Variants in ADGRL2 observed in about 807,000 individuals in gnomAD.
ADGRL2 encodes calcium-independent alpha-latrotoxin receptor 2.
A neutral mutation model predicts 157.4 loss-of-function variants in ADGRL2; 44 were observed. The ratio of observed to expected loss-of-function variants is 0.28; its 90% CI spans 0.22 to 0.36. The LOEUF (loss-of-function observed/expected upper bound fraction) is 0.36. Ranked by LOEUF, ADGRL2 falls within the 10% of genes least tolerant of loss-of-function variation. The pLI, the probability that ADGRL2 is intolerant of heterozygous loss-of-function variation, is 1.00. For missense variants in ADGRL2, 1,510 were observed against 1,768.9 expected, an observed-to-expected ratio of 0.85 and a Z score of 2.63; for synonymous variants, 585 against 624.7, an observed-to-expected ratio of 0.94 and a Z score of 0.95.
rs150474769 is a variant in ADGRL2 at position 81,367,934 on chromosome 1, G to A, written c.-302+61425G>A. 2.2e-3 allele frequency among the ~76,000 whole-genome samples: 333 copies of A among 152,202 alleles called. 1 individual carries two copies. Among genetic ancestry groups the A allele is most frequent in the South Asian group, 5.0e-3 (24 of 4,824 alleles). On this transcript the variant is annotated intron_variant, in intron 1 of 24. Transcript: ENST00000370721. ...TCTTTATCCAGTCTATCATTGATGG[G>A]CATTTGGATTTGTTCCATGACTTCG...
chr1:81,842,546 C>T (rs563892719), intron 2 of ADGRL2, among the ~76,000 whole-genome samples: 67 of 151,436 alleles, frequency 4.4e-4, no homozygotes, highest in African/African-American at 1.4e-3. Flanking sequence ...TTAGTAGAGA[C>T]GGGGTTTCAC....
intron 2 of ADGRL2, among the ~76,000 whole-genome samples, chr1:81,453,696 G>A (rs1208634115): frequency 2.0e-5 from 3 of 152,112 alleles, no homozygotes; most frequent in Non-Finnish European, 2.9e-5. Flanking sequence ...TAGCAGGCTT[G>A]CCGATTTTTG....
intron 3 of ADGRL2, among the ~76,000 whole-genome samples, chr1:81,910,657 C>T (rs12734022): frequency 0.17 from 25,438 of 149,074 alleles, 2,575 homozygotes; most frequent in Middle Eastern, 0.31. Flanking sequence ...TGTGGTACTC[C>T]GGGCATCTTT....
chr1:81,816,396 T>G (rs1171741063), intron 1 of ADGRL2, among the ~76,000 whole-genome samples: 1 of 151,866 alleles, frequency 6.6e-6, no homozygotes. Flanking sequence ...TGTATATTGC[T>G]TTAATACTTT....
At chr1:81,973,384 T>C (rs1659308262) in intron 17 of ADGRL2, among the ~76,000 whole-genome samples, 2 of 152,184 alleles carry the variant, frequency 1.3e-5, no homozygotes, top group Non-Finnish European at 2.9e-5. Context: ...GCATGATCCT[T>C]GAAGACATAA....
intron 2 of ADGRL2, among the ~76,000 whole-genome samples, chr1:81,889,741 AAGTC>A (rs918863066): frequency 6.6e-6 from 1 of 152,184 alleles, no homozygotes; most frequent in Non-Finnish European, 1.5e-5. Flanking sequence ...AGCTGAAGAG[AAGTC>A]AGTGTCTGGC....
At chr1:81,938,188 C>A (rs569992006) in intron 4 of ADGRL2, among the ~76,000 whole-genome samples, 18 of 151,790 alleles carry the variant, frequency 1.2e-4, no homozygotes, top group Non-Finnish European at 2.1e-4. Flanking sequence ...TCTCCTGTGC[C>A]ACTAGAGGAA....
intron 2 of ADGRL2, among the ~76,000 whole-genome samples, chr1:81,857,368 A>G (rs1391621313): frequency 1.3e-5 from 2 of 152,214 alleles, no homozygotes; most frequent in African/African-American, 4.8e-5. Flanking sequence ...TAAAAAGGAA[A>G]TGACTTTAAA....
intron 3 of ADGRL2, among the ~76,000 whole-genome samples, chr1:81,929,238 A>C (rs1233490333): frequency 1.3e-5 from 2 of 152,158 alleles, no homozygotes; most frequent in Non-Finnish European, 1.5e-5. Context: ...TTCAAGAAGA[A>C]GCTTCAATTG....
intron 3 of ADGRL2, among the ~76,000 whole-genome samples, chr1:81,598,881 A>G (rs755928163): frequency 1.1e-4 from 17 of 152,244 alleles, no homozygotes; most frequent in Non-Finnish European, 2.5e-4. Context: ...TGTTGACAGA[A>G]TGAATGGCTA....
chr1:81,927,134 G>A (rs1480911057), intron 3 of ADGRL2, among the ~76,000 whole-genome samples: 2 of 151,844 alleles, frequency 1.3e-5, no homozygotes, highest in Non-Finnish European at 2.9e-5. Flanking sequence ...ATGGGAAGAT[G>A]TTATTCTGTT....
chr1:81,891,411 A>C (rs2094260968), intron 2 of ADGRL2, among the ~76,000 whole-genome samples: 1 of 152,066 alleles, frequency 6.6e-6, no homozygotes, highest in South Asian at 2.1e-4. Flanking sequence ...GGATTTGGTA[A>C]AGCTCTTCTC....
At chr1:81,475,935 G>A (rs58964185) in intron 2 of ADGRL2, among the ~76,000 whole-genome samples, 1,903 of 152,254 alleles carry the variant, frequency 0.012, 63 homozygotes, top group East Asian at 0.12. Flanking sequence ...GGGCATAAGT[G>A]CCTTGTATTT....
intron 3 of ADGRL2, among the ~76,000 whole-genome samples, chr1:81,649,973 G>A (rs911351875): frequency 1.3e-5 from 2 of 151,050 alleles, no homozygotes; most frequent in Admixed American, 1.3e-4. Context: ...GCTAAGGTGA[G>A]AATTAAATGT....
At chr1:81,689,127 A>C (rs2083283959) in intron 3 of ADGRL2, among the ~76,000 whole-genome samples, 1 of 152,320 alleles carries the variant, frequency 6.6e-6, no homozygotes. Flanking sequence ...TAACAAAGAC[A>C]CAGTAGTTTA....
intron 2 of ADGRL2, among the ~76,000 whole-genome samples, chr1:81,516,376 T>C (rs2079178441): frequency 6.6e-6 from 1 of 152,180 alleles, no homozygotes; most frequent in African/African-American, 2.4e-5. Flanking sequence ...TGCTGAAAAG[T>C]ACAAAGTGAC....
chr1:81,888,627 A>G (rs1478800501), intron 2 of ADGRL2, among the ~76,000 whole-genome samples: 1 of 152,006 alleles, frequency 6.6e-6, no homozygotes. Flanking sequence ...TATTTTTAGT[A>G]GAGACGGGGT....
At chr1:81,423,316 A>G (rs1338452738) in intron 1 of ADGRL2, among the ~76,000 whole-genome samples, 1 of 152,234 alleles carries the variant, frequency 6.6e-6, no homozygotes, top group African/African-American at 2.4e-5. Context: ...ATAGCCAAAT[A>G]TCATTTAGGG....
chr1:81,732,261 T>C (rs1461147156), intron 1 of ADGRL2, among the ~76,000 whole-genome samples: 2 of 152,206 alleles, frequency 1.3e-5, no homozygotes, highest in Non-Finnish European at 2.9e-5. Context: ...CTGTAAAATC[T>C]CTAGGTATTC....
Sources: gnomAD v4.1 joint callset for allele counts (sites outside exome capture counted in the v4.1 genomes callset) on GRCh38, gnomAD v4.1.1 for gene constraint, MANE v1.5 for transcripts, NCBI Gene and HGNC (gene_info 2026-07-23, HGNC 2026-07-21) for gene names.